ABCA13: variants seen among roughly 807,000 people sequenced by gnomAD.
The protein encoded by ABCA13 is ATP binding cassette subfamily A member 13, also known as ATP-binding cassette sub-family A member 13.
A neutral mutation model predicts 478.7 loss-of-function variants in ABCA13; 476 were observed. The observed-to-expected ratio is 0.99, with a 90% CI of 0.92 to 1.07. The LOEUF is 1.07. ABCA13 is among the 50% of genes least tolerant of loss of function. The pLI is 0.00. For synonymous variants in ABCA13, 2,252 were observed against 2,158.9 expected, an observed-to-expected ratio of 1.04 and a Z score of -1.20; for missense variants, 6,060 against 5,910.6, an observed-to-expected ratio of 1.03 and a Z score of -0.83.
At chr7:48,502,049 A>G (rs1222796406) in intron 48 of ABCA13, among the ~76,000 whole-genome samples, 2 of 152,250 alleles carry the variant, frequency 1.3e-5, no homozygotes, top group African/African-American at 4.8e-5. Flanking sequence ...AGAATCTATA[A>G]TTCTAAAATG....
intron 40 of ABCA13, among the ~76,000 whole-genome samples, chr7:48,411,482 G>A (rs747940288): frequency 2.6e-5 from 4 of 151,536 alleles, no homozygotes; most frequent in Admixed American, 6.6e-5. Flanking sequence ...TAATTTTTGT[G>A]TTTTTAGTAA....
chr7:48,258,075 C>T (rs569198898), intron 15 of ABCA13, among the ~76,000 whole-genome samples: 9 of 152,226 alleles, frequency 5.9e-5, no homozygotes, highest in South Asian at 4.1e-4. Context: ...AGGCATGTGC[C>T]GCCATGCCCA....
rs748999476 is a variant in ABCA13 at position 48,272,300 on chromosome 7, T to C, written c.2634T>C (p.His878=). The C allele has an allele frequency of 7.4e-5, 120 of 1,613,668 alleles. No individual in the cohort carries two copies. Among genetic ancestry groups the C allele is most frequent in the Non-Finnish European group, 9.6e-5 (113 of 1,179,760 alleles). The part of the protein sequence containing the change: ...STSFNFSQLF[H]SDWPKSPAMN... The stretch of plus-strand genomic sequence containing the variant: ...GTTTTAACTTTTCCCAGTTGTTCCA[T>C]TCAGATTGGCCTAAATCACCAGCTA... Residue 878 remains histidine (H), a synonymous_variant, in exon 17 of 62, where the codon CAT becomes CAC. Coordinates refer to ENST00000435803, the MANE Select transcript of ABCA13 (RefSeq NM_152701.5).
chr7:48,483,013 C>A, intron 46 of ABCA13, 63 bp from the exon 47 acceptor site: 1 of 1,367,350 alleles, frequency 7.3e-7, no homozygotes, highest in Non-Finnish European at 1.0e-6. Context: ...TAATGAATAC[C>A]CTCTGATTAG....
At chr7:48,615,436 G>A (rs1792474974) in intron 59 of ABCA13, 59 bp downstream of exon 59, 3 of 1,449,742 alleles carry the variant, frequency 2.1e-6, no homozygotes, top group South Asian at 2.5e-5. Context: ...GCATGATGCA[G>A]GGTTATGACT....
intron 56 of ABCA13, among the ~76,000 whole-genome samples, chr7:48,583,601 C>T (rs1220320568): frequency 6.6e-6 from 1 of 152,180 alleles, no homozygotes; most frequent in Non-Finnish European, 1.5e-5. Context: ...AAAACCAATG[C>T]ATCCGCAAAC....
In ABCA13 at chr7:48,241,606, T is replaced by C. The variant is rs1014044002; in HGVS notation, c.1262+540T>C. Among the ~76,000 whole-genome samples the C allele has an allele frequency of 2.0e-5, 3 of 152,308 alleles. No individual in the cohort carries two copies. In the East Asian group the frequency reaches 5.8e-4, roughly 29 times the overall value. ...CGACTAGATCTTTTTCCTTAGTAGG[T>C]GTGGCAGTTTGTAGTAACTTGAATC... On this transcript the variant is annotated intron_variant, in intron 10 of 61. Transcript: ENST00000435803.
At chr7:48,521,742 G>A (rs976032417) in intron 53 of ABCA13, among the ~76,000 whole-genome samples, 3 of 152,116 alleles carry the variant, frequency 2.0e-5, no homozygotes, top group African/African-American at 7.2e-5. Context: ...GTAAGTATAA[G>A]TTGAATTGTA....
chr7:48,563,769 A>C (rs1786706884), intron 55 of ABCA13, among the ~76,000 whole-genome samples: 1 of 149,572 alleles, frequency 6.7e-6, no homozygotes, highest in Admixed American at 6.7e-5. Flanking sequence ...TGTATGGTCT[A>C]GCTTTTGTTG....
At chr7:48,596,077 G>T (rs896647927) in intron 58 of ABCA13, among the ~76,000 whole-genome samples, 3 of 152,192 alleles carry the variant, frequency 2.0e-5, no homozygotes, top group Non-Finnish European at 4.4e-5. Context: ...ACTATTAAAT[G>T]CTATAACTCA....
At chr7:48,524,117 A>C in intron 53 of ABCA13, 131 bp from the exon 54 acceptor site, 3 of 759,922 alleles carry the variant, frequency 3.9e-6, no homozygotes, top group Non-Finnish European at 6.2e-6. Context: ...GGTGCTCTGG[A>C]CAAAGCTGAC....
intron 55 of ABCA13, among the ~76,000 whole-genome samples, chr7:48,564,347 G>A (rs534755070): frequency 2.0e-5 from 3 of 151,718 alleles, no homozygotes; most frequent in African/African-American, 7.3e-5. Context: ...TAAAACTGAG[G>A]CATTATCATC....
Position 48,367,972 on chromosome 7 carries a change from T to A in ABCA13, c.10803+64T>A, listed in dbSNP as rs180713848. On this transcript the variant is annotated intron_variant, in intron 32 of 61. Coordinates refer to ENST00000435803, the MANE Select transcript of ABCA13 (RefSeq NM_152701.5). Reference sequence around the variant, plus strand: ...GGAGGCTGGGGACTTTGGAAATGGATCTTGTCCCATAACCAACCTGAGCCT... The same window carrying A: ...GGAGGCTGGGGACTTTGGAAATGGAACTTGTCCCATAACCAACCTGAGCCT... 3.4e-5 allele frequency: 45 copies of A among 1,309,796 alleles called. No homozygotes were observed. In the East Asian group the frequency reaches 1.1e-3, roughly 32 times the overall value. 81.1% of individuals were successfully genotyped at this position (1,309,796 alleles called of 1,614,324 possible).
rs1361769559 is a variant in ABCA13, at chr7:48,389,053, A to C, written c.11487A>C (p.Gln3829His). Residue 3829 changes from glutamine to histidine, a missense_variant, in exon 37 of 62, where the codon CAA becomes CAC. Gln to His is a conservative substitution (Grantham distance 24, BLOSUM62 0). This residue lies in a region of ABCA13 where 1,627 missense variants were observed against 1,571.0 expected (regional missense o/e 1.04). Coordinates refer to ENST00000435803, the MANE Select transcript of ABCA13 (RefSeq NM_152701.5). ...ENFDNKGSSL[Q>H]NREGELEGSA... ...TCTCTCTCACAGGGTCATCACTGCA[A>C]AACAGGGAAGGAGAGCTTGAAGGAA... 6 of 1,613,754 alleles carry C rather than the reference A, an allele frequency of 3.7e-6. No homozygotes were observed. In the South Asian group the frequency reaches 5.5e-5, roughly 15 times the overall value.
intron 15 of ABCA13, 78 bp from the exon 16 acceptor site, chr7:48,268,902 C>A (rs2128742199): frequency 7.0e-5 from 29 of 412,804 alleles, no homozygotes; most frequent in East Asian, 1.3e-4. Flanking sequence ...AGGTGAACTA[C>A]TCTAGCATTT....
intron 21 of ABCA13, 64 bp downstream of exon 21, chr7:48,295,927 CTCTTTAAAATGTGAAT>C (rs1373505828): frequency 6.7e-7 from 1 of 1,500,498 alleles, no homozygotes; most frequent in Non-Finnish European, 8.9e-7. Flanking sequence ...ATGTCTAGGA[CTCTTTAAAATGTGAAT>C]TTCAGACAGT....
At position 48,507,868 on chromosome 7, in the gene ABCA13, G is replaced by A. The variant is rs375687037; in HGVS notation, c.13347-4G>A. ...GCCTGAGAGCTGCTCTGTTCCACCC[G>A]CAGCCTGGAGAGCATCCGTCAGTGT... On this transcript the variant is annotated splice_polypyrimidine_tract_variant and splice_region_variant and intron_variant, in intron 49 of 61. Transcript: ENST00000435803. The A allele has an allele frequency of 1.7e-5, 27 of 1,600,256 alleles. No individual in the cohort carries two copies. Among genetic ancestry groups the A allele is most frequent in the Middle Eastern group, 3.6e-4 (2 of 5,612 alleles).
chr7:48,611,240 G>C (rs548513266), intron 58 of ABCA13, among the ~76,000 whole-genome samples: 52 of 152,032 alleles, frequency 3.4e-4, no homozygotes, highest in Non-Finnish European at 6.6e-4. Flanking sequence ...TTGACTTATT[G>C]TCTGTATCAC....
chr7:48,411,930 A>C (rs1322996093), intron 40 of ABCA13, among the ~76,000 whole-genome samples: 1 of 152,190 alleles, frequency 6.6e-6, no homozygotes, highest in Non-Finnish European at 1.5e-5. Context: ...CATTATCCCC[A>C]GGTGGCTCCT....
Sources: gnomAD v4.1 joint callset for allele counts (sites outside exome capture counted in the v4.1 genomes callset) on GRCh38, gnomAD v4.1.1 for gene constraint, gnomAD v4.1.1 regional missense constraint, MANE v1.5 for transcripts, NCBI Gene and HGNC (gene_info 2026-07-23, HGNC 2026-07-21) for gene names.